CACNA2D3: variants seen among roughly 807,000 people sequenced by gnomAD.
The protein encoded by CACNA2D3 is calcium voltage-gated channel auxiliary subunit alpha2delta 3.
Under a neutral mutation model 160.6 loss-of-function variants are expected in CACNA2D3, and 60 were observed. The observed-to-expected ratio is 0.37, with a 90% CI of 0.30 to 0.46. The LOEUF (loss-of-function observed/expected upper bound fraction) is 0.46. Among genes scored for constraint, CACNA2D3 ranks in the 20% least tolerant of loss-of-function variants. CACNA2D3 has a pLI of 1.00. For missense variants in CACNA2D3, 1,205 were observed against 1,365.0 expected (o/e 0.88, Z 1.85); for synonymous variants, 558 against 492.9 (o/e 1.13, Z -1.75).
intron 11 of CACNA2D3, among the ~76,000 whole-genome samples, chr3:54,719,136 T>C (rs1288181830): frequency 6.6e-6 from 1 of 151,028 alleles, no homozygotes; most frequent in Admixed American, 6.6e-5. Flanking sequence ...CTTTTATTTC[T>C]TTTTCTTACC....
Position 54,169,667 on chromosome 3 carries a change from G to A in CACNA2D3, c.204+46073G>A, listed in dbSNP as rs145149922. 3.3e-4 allele frequency among the ~76,000 whole-genome samples: 49 copies of A among 149,626 alleles called. No individual in the cohort carries two copies. The East Asian group carries it at 7.9e-3, about 24-fold the overall frequency. ...TGCAAACGTGCATGTGTGTGCGTGC[G>A]TGCTTGTATGTGTGTGTATGTGTGT... is the stretch of plus-strand genomic sequence containing the variant. On this transcript the variant is annotated intron_variant, in intron 2 of 37. Coordinates refer to ENST00000474759, the MANE Select transcript of CACNA2D3 (RefSeq NM_018398.3).
chr3:54,748,279 T>G (rs999552998), intron 11 of CACNA2D3, among the ~76,000 whole-genome samples: 1 of 152,240 alleles, frequency 6.6e-6, no homozygotes, highest in Non-Finnish European at 1.5e-5. Flanking sequence ...TCATTATCTT[T>G]ACAGACTATC....
intron 2 of CACNA2D3, among the ~76,000 whole-genome samples, chr3:54,308,345 C>T (rs117317258): frequency 6.6e-6 from 1 of 152,314 alleles, no homozygotes; most frequent in East Asian, 1.9e-4. Context: ...TGTCTAATTA[C>T]TGCCAGTGGA....
At chr3:54,145,391 C>G (rs1700006621) in intron 2 of CACNA2D3, among the ~76,000 whole-genome samples, 1 of 152,150 alleles carries the variant, frequency 6.6e-6, no homozygotes, top group Non-Finnish European at 1.5e-5. Flanking sequence ...GCCTGGTTGC[C>G]AAACTGCAAG....
intron 13 of CACNA2D3, among the ~76,000 whole-genome samples, chr3:54,771,211 T>C (rs560830284): frequency 6.6e-6 from 1 of 152,272 alleles, no homozygotes; most frequent in South Asian, 2.1e-4. Flanking sequence ...AGCTGTGATT[T>C]CCATCTAGAA....
intron 10 of CACNA2D3, among the ~76,000 whole-genome samples, chr3:54,631,565 A>G (rs1699238989): frequency 6.6e-6 from 1 of 152,226 alleles, no homozygotes; most frequent in African/African-American, 2.4e-5. Flanking sequence ...CACGTGCTTA[A>G]AATTGTGATC....
intron 17 of CACNA2D3, among the ~76,000 whole-genome samples, chr3:54,865,434 A>G (rs1279877296): frequency 6.6e-6 from 1 of 152,142 alleles, no homozygotes; most frequent in Non-Finnish European, 1.5e-5. Context: ...CCCGCTACTG[A>G]TCCCCAAGGG....
chr3:54,713,486 G>A (rs1162139478), intron 11 of CACNA2D3, among the ~76,000 whole-genome samples: 1 of 152,232 alleles, frequency 6.6e-6, no homozygotes, highest in African/African-American at 2.4e-5. Context: ...TATAGCCTGT[G>A]TAAGAGAAGG....
At chr3:54,876,078 A>G (rs1699652044) in intron 18 of CACNA2D3, among the ~76,000 whole-genome samples, 1 of 151,986 alleles carries the variant, frequency 6.6e-6, no homozygotes, top group Non-Finnish European at 1.5e-5. Flanking sequence ...TTGTTTGGAA[A>G]TTTTCCTCCG....
At chr3:54,907,664 A>T (rs1376764850) in intron 27 of CACNA2D3, among the ~76,000 whole-genome samples, 1 of 152,190 alleles carries the variant, frequency 6.6e-6, no homozygotes, top group Non-Finnish European at 1.5e-5. Context: ...TTATATTAAT[A>T]ATATCTTGAT....
At chr3:54,669,173 G>A (rs1010238849) in intron 11 of CACNA2D3, among the ~76,000 whole-genome samples, 1 of 152,098 alleles carries the variant, frequency 6.6e-6, no homozygotes, top group African/African-American at 2.4e-5. Flanking sequence ...ATTCAGAAGG[G>A]CCCCATGCTT....
intron 11 of CACNA2D3, among the ~76,000 whole-genome samples, chr3:54,721,817 G>A (rs376438640): frequency 1.4e-4 from 21 of 150,404 alleles, no homozygotes; most frequent in African/African-American, 5.1e-4. Flanking sequence ...TGGGTAATTC[G>A]ACCTTTCTCT....
At chr3:54,522,387 T>C (rs1054595924) in intron 5 of CACNA2D3, among the ~76,000 whole-genome samples, 2 of 152,174 alleles carry the variant, frequency 1.3e-5, no homozygotes, top group African/African-American at 4.8e-5. Flanking sequence ...TATTCTGCAA[T>C]CTTGCTGACT....
chr3:54,165,351 C>G (rs1421642608), intron 2 of CACNA2D3, among the ~76,000 whole-genome samples: 1 of 151,990 alleles, frequency 6.6e-6, no homozygotes, highest in African/African-American at 2.4e-5. Flanking sequence ...CTAGCTTACC[C>G]TAAACTTCAC....
intron 2 of CACNA2D3, among the ~76,000 whole-genome samples, chr3:54,209,424 C>T (rs951260546): frequency 2.6e-5 from 4 of 152,140 alleles, no homozygotes; most frequent in Admixed American, 2.6e-4. Context: ...AGAGAACTTT[C>T]AACAGAACTT....
At chr3:54,299,302 A>G (rs948150463) in intron 2 of CACNA2D3, among the ~76,000 whole-genome samples, 3 of 151,908 alleles carry the variant, frequency 2.0e-5, no homozygotes, top group Non-Finnish European at 4.4e-5. Context: ...CTCCTGGTCC[A>G]GGACTGTGTA....
intron 27 of CACNA2D3, among the ~76,000 whole-genome samples, chr3:54,946,258 C>T (rs749096009): frequency 2.0e-5 from 3 of 152,174 alleles, no homozygotes; most frequent in Non-Finnish European, 4.4e-5. Flanking sequence ...ATTTCTCCCC[C>T]AGTCCCCAGG....
intron 2 of CACNA2D3, among the ~76,000 whole-genome samples, chr3:54,281,384 CTG>C (rs1702876825): frequency 6.6e-6 from 1 of 152,168 alleles, no homozygotes; most frequent in African/African-American, 2.4e-5. Context: ...GGCTACCTGC[CTG>C]TGTCAGACCA....
chr3:55,057,498 G>GAA (rs1406185017), intron 35 of CACNA2D3, among the ~76,000 whole-genome samples: 1 of 152,148 alleles, frequency 6.6e-6, no homozygotes, highest in Non-Finnish European at 1.5e-5. Context: ...ATAGCTAACT[G>GAA]AAGTCTGTTA....
Sources: gnomAD v4.1 joint callset for allele counts (sites outside exome capture counted in the v4.1 genomes callset) on GRCh38, gnomAD v4.1.1 for gene constraint, MANE v1.5 for transcripts, NCBI Gene and HGNC (gene_info 2026-07-23, HGNC 2026-07-21) for gene names.